Variants in EPDR1 observed in about 807,000 individuals in gnomAD.
EPDR1 encodes ependymin related 1, also known as mammalian ependymin-related protein 1.
Under a neutral mutation model 23.7 loss-of-function variants are expected in EPDR1, and 27 were observed. The observed-to-expected ratio is 1.14, with a 90% CI of 0.84 to 1.57. EPDR1 has a LOEUF of 1.57. EPDR1 is among the 40% of genes most tolerant of loss of function. EPDR1 has a pLI of 0.00. For synonymous variants in EPDR1, 137 were observed against 118.2 expected (o/e 1.16, Z -1.03); for missense variants, 349 against 290.4 (o/e 1.20, Z -1.47).
At position 37,939,323 on chromosome 7, in the gene EPDR1, G is replaced by T. The variant is rs116489407; in HGVS notation, c.270-9517G>T. Among the ~76,000 whole-genome samples the T allele has an allele frequency of 3.2e-3, 491 of 152,102 alleles. 1 individual carries two copies. Among genetic ancestry groups the T allele is most frequent in the African/African-American group, 0.011 (461 of 41,500 alleles). ...AAATTGATGTGGATGAACTGCCACT[G>T]TGGGCTTAAATCTTAAATCTTAATC... On this transcript the variant is annotated intron_variant, in intron 1 of 2. Transcript: ENST00000199448.
At chr7:37,927,847 T>C (rs1785849514) in intron 1 of EPDR1, among the ~76,000 whole-genome samples, 1 of 152,242 alleles carries the variant, frequency 6.6e-6, no homozygotes, top group Non-Finnish European at 1.5e-5. Flanking sequence ...AGATAGCATA[T>C]TCTTTTGTGA....
chr7:37,936,023 T>TACAC (rs1287919618), intron 1 of EPDR1, among the ~76,000 whole-genome samples: 10 of 99,618 alleles, frequency 1.0e-4, no homozygotes, highest in African/African-American at 3.3e-4. Context: ...TATATATATA[T>TACAC]ATATATATAT....
chr7:37,921,395 C>G (rs1562855092), intron 1 of EPDR1, 187 bp downstream of exon 1: 4 of 1,389,108 alleles, frequency 2.9e-6, no homozygotes, highest in Admixed American at 3.5e-5. Flanking sequence ...GGCGCTGCGC[C>G]CACCGAGGGC....
intron 1 of EPDR1, among the ~76,000 whole-genome samples, chr7:37,932,220 TTTGTTG>T (rs1421035736): frequency 4.6e-5 from 7 of 152,110 alleles, no homozygotes; most frequent in Non-Finnish European, 8.8e-5. Flanking sequence ...TGAGGTGGTT[TTTGTTG>T]TTGTTGTTGT....
intron 1 of EPDR1, 85 bp downstream of exon 1, chr7:37,921,293 C>T: frequency 6.8e-7 from 1 of 1,475,288 alleles, no homozygotes; most frequent in African/African-American, 1.5e-5. Context: ...CGCCCTGTAA[C>T]TCTTTCCGGC....
intron 1 of EPDR1, among the ~76,000 whole-genome samples, chr7:37,928,975 C>T (rs942674679): frequency 2.6e-5 from 4 of 152,110 alleles, no homozygotes; most frequent in Admixed American, 6.5e-5. Context: ...CTTGAAAATA[C>T]GTCATGCCAC....
At chr7:37,927,603 A>G (rs181896926) in intron 1 of EPDR1, among the ~76,000 whole-genome samples, 30 of 152,344 alleles carry the variant, frequency 2.0e-4, no homozygotes, top group African/African-American at 5.3e-4. Flanking sequence ...TGTTCTTAAC[A>G]TATGTTTGTA....
At position 37,941,206 on chromosome 7, in the gene EPDR1, C is replaced by T. The variant is rs1786166757; in HGVS notation, c.270-7634C>T. 2.0e-5 allele frequency among the ~76,000 whole-genome samples: 3 copies of T among 152,172 alleles called. No homozygotes were observed. In the South Asian group the frequency reaches 6.2e-4, roughly 32 times the overall value. On this transcript the variant is annotated intron_variant, in intron 1 of 2. Transcript: ENST00000199448. ...GACTAAGATAGATGGATGTCATTTA[C>T]TATACCATTGGTACTATGATCCTAA...
At chr7:37,924,496 A>G (rs1785778127) in intron 1 of EPDR1, among the ~76,000 whole-genome samples, 1 of 152,158 alleles carries the variant, frequency 6.6e-6, no homozygotes, top group Non-Finnish European at 1.5e-5. Context: ...TGACTCCATG[A>G]CTGACTAATA....
At chr7:37,950,023 A>G (rs1209747889) in intron 2 of EPDR1, among the ~76,000 whole-genome samples, 177 bp from the exon 3 acceptor site, 7 of 152,196 alleles carry the variant, frequency 4.6e-5, no homozygotes, top group Non-Finnish European at 8.8e-5. Context: ...AGATGAAAAA[A>G]GTTCTGGAGA....
intron 1 of EPDR1, among the ~76,000 whole-genome samples, chr7:37,929,851 G>T (rs1236111710): frequency 1.3e-5 from 2 of 152,186 alleles, no homozygotes; most frequent in African/African-American, 2.4e-5. Flanking sequence ...ACTGTCTTCA[G>T]TGTCTCTCTT....
chr7:37,943,253 G>A lies in EPDR1; in HGVS notation c.270-5587G>A, dbSNP rs147226068. ...TGCTTGACTGTGCCCCAGCGGGGGC[G>A]TTGGTGCCTCTCATCTCACAATTGC... On this transcript the variant is annotated intron_variant, in intron 1 of 2. Coordinates refer to ENST00000199448, the MANE Select transcript of EPDR1 (RefSeq NM_017549.5). Among the ~76,000 whole-genome samples, 480 of 152,354 alleles carry A rather than the reference G, an allele frequency of 3.2e-3. 1 individual carries two copies. Among genetic ancestry groups the A allele is most frequent in the African/African-American group, 0.01 (435 of 41,574 alleles).
chr7:37,940,318 A>T (rs1312586154), intron 1 of EPDR1, among the ~76,000 whole-genome samples: 1 of 152,214 alleles, frequency 6.6e-6, no homozygotes, highest in Non-Finnish European at 1.5e-5. Context: ...GGAGATAGGG[A>T]TGGAAGGGGA....
At chr7:37,947,167 C>T (rs1241178487) in intron 1 of EPDR1, among the ~76,000 whole-genome samples, 4 of 152,164 alleles carry the variant, frequency 2.6e-5, no homozygotes, top group Admixed American at 6.5e-5. Flanking sequence ...CCTATACATG[C>T]GTACCATTTT....
At position 37,920,774 on chromosome 7, in the gene EPDR1, C is replaced by G; in HGVS notation, c.-166C>G. The G allele has an allele frequency of 6.2e-7, 1 of 1,609,732 alleles. No homozygotes were observed. Among genetic ancestry groups the G allele is most frequent in the Non-Finnish European group, 8.5e-7 (1 of 1,177,802 alleles). On this transcript the variant is annotated 5_prime_UTR_variant, in exon 1 of 3. Transcript: ENST00000199448. The stretch of plus-strand genomic sequence containing the variant: ...TCCCGGCTACCGGGACTCGCGCGTC[C>G]GGATCTCAAAAGCGGCAGAGGCCAC...
intron 1 of EPDR1, among the ~76,000 whole-genome samples, chr7:37,933,627 C>T (rs1785987775): frequency 6.6e-6 from 1 of 152,168 alleles, no homozygotes; most frequent in Non-Finnish European, 1.5e-5. Context: ...AAACACTTGT[C>T]TCTTGACTGT....
chr7:37,925,237 G>A (rs749142382), intron 1 of EPDR1, among the ~76,000 whole-genome samples: 10 of 152,304 alleles, frequency 6.6e-5, no homozygotes, highest in Middle Eastern at 3.4e-3. Context: ...GGGAAGCAGC[G>A]TTGATACACA....
At chr7:37,930,431 T>C (rs1324957533) in intron 1 of EPDR1, among the ~76,000 whole-genome samples, 4 of 152,214 alleles carry the variant, frequency 2.6e-5, no homozygotes, top group Non-Finnish European at 5.9e-5. Context: ...GAGTGAAGGA[T>C]GGGGGAAGAG....
At chr7:37,949,556 T>C (rs1017240915) in intron 2 of EPDR1, among the ~76,000 whole-genome samples, 4 of 152,150 alleles carry the variant, frequency 2.6e-5, no homozygotes, top group Admixed American at 6.5e-5. Context: ...TATGGTGATT[T>C]CTCAAAAAAT....
Sources: allele counts gnomAD v4.1 joint callset (sites outside exome capture counted in the v4.1 genomes callset), GRCh38; gene constraint gnomAD v4.1.1; transcripts MANE v1.5; gene names NCBI Gene and HGNC (gene_info 2026-07-23, HGNC 2026-07-21).